The following SH2D4A variants were observed in gnomAD, a reference collection of about 807,000 sequenced individuals.
SH2D4A encodes SH2 domain containing 4A.
Under a neutral mutation model 64.7 loss-of-function variants are expected in SH2D4A, and 70 were observed. That is an observed-to-expected ratio of 1.08 (90% confidence interval 0.89 to 1.32). The LOEUF (loss-of-function observed/expected upper bound fraction) is 1.32, where lower values mean the gene tolerates loss of function less well. SH2D4A is among the 40% of genes most tolerant of loss of function. The probability of loss-of-function intolerance (pLI) is 0.00; values close to 1 mark genes in which losing one functional copy is unlikely to be tolerated. For missense variants in SH2D4A, 706 were observed against 540.1 expected (o/e 1.31, Z -3.04); for synonymous variants, 268 against 200.7 (o/e 1.34, Z -2.83).
intron 4 of SH2D4A, among the ~76,000 whole-genome samples, chr8:19,351,582 A>C (rs903806634): frequency 6.6e-6 from 1 of 152,112 alleles, no homozygotes; most frequent in African/African-American, 2.4e-5. Flanking sequence ...CAGCCTGGGC[A>C]ACAGAGTGAG....
At chr8:19,329,250 C>T (rs928136679) in intron 2 of SH2D4A, among the ~76,000 whole-genome samples, 4 of 152,188 alleles carry the variant, frequency 2.6e-5, no homozygotes, top group African/African-American at 9.7e-5. Flanking sequence ...AGAGCAATCT[C>T]TCCATCCCCT....
intron 8 of SH2D4A, among the ~76,000 whole-genome samples, chr8:19,374,826 G>A (rs17128333): frequency 0.018 from 2,770 of 152,146 alleles, 98 homozygotes; most frequent in African/African-American, 0.063. Flanking sequence ...AAAGAACATG[G>A]GCCAATTATG....
At chr8:19,366,934 T>C (rs2053007056) in intron 7 of SH2D4A, among the ~76,000 whole-genome samples, 1 of 152,258 alleles carries the variant, frequency 6.6e-6, no homozygotes. Context: ...CATTATTCTT[T>C]TTATGGATCT....
intron 4 of SH2D4A, among the ~76,000 whole-genome samples, chr8:19,336,456 T>C (rs1434491554): frequency 6.6e-6 from 1 of 152,134 alleles, no homozygotes; most frequent in Non-Finnish European, 1.5e-5. Context: ...AGGTGTGCTT[T>C]GCACTCAGCA....
At position 19,335,233 on chromosome 8, in the gene SH2D4A, A is replaced by G. The variant is rs538994757; in HGVS notation, c.513+376A>G. Among the ~76,000 whole-genome samples the G allele has an allele frequency of 2.6e-4, 39 of 152,052 alleles. 1 individual carries two copies. The East Asian group carries it at 6.6e-3, about 26-fold the overall frequency. On this transcript the variant is annotated intron_variant, in intron 4 of 9. Coordinates refer to ENST00000265807, the MANE Select transcript of SH2D4A (RefSeq NM_022071.4). ...AACCTGGGAGGTGGAGCTTGCAGTGAGCCGAGATTGCGACACTGCACTCCA... is the reference window on the plus strand; with the variant it reads ...AACCTGGGAGGTGGAGCTTGCAGTGGGCCGAGATTGCGACACTGCACTCCA...
rs1473972388 is a variant in SH2D4A, at chr8:19,395,446, T to C, written c.*804T>C. On this transcript the variant is annotated 3_prime_UTR_variant, in exon 10 of 10. Coordinates refer to ENST00000265807, the MANE Select transcript of SH2D4A (RefSeq NM_022071.4). ...TTGAATTGTGTTCCCCCAAAATATA[T>C]GGTGAAGTCTTAACCCCCATCCCCG... is the stretch of plus-strand genomic sequence containing the variant. 1 of 152,218 alleles carries C rather than the reference T, an allele frequency of 6.6e-6. No individual in the cohort carries two copies. Among genetic ancestry groups the C allele is most frequent in the African/African-American group, 2.4e-5 (1 of 41,442 alleles). The allele number at this position is 152,218 out of a possible 1,614,324, so 9.4% of individuals were successfully genotyped here. A position where few individuals can be genotyped will look rare whatever the true frequency, so the allele number is the denominator to read the frequency against.
chr8:19,331,910 C>T (rs967871897), intron 2 of SH2D4A, among the ~76,000 whole-genome samples: 1 of 152,080 alleles, frequency 6.6e-6, no homozygotes, highest in African/African-American at 2.4e-5. Flanking sequence ...TCTAAAATAC[C>T]TCCTTATCTG....
intron 4 of SH2D4A, among the ~76,000 whole-genome samples, chr8:19,339,640 C>T (rs1467294372): frequency 1.3e-5 from 2 of 151,962 alleles, no homozygotes; most frequent in Admixed American, 6.6e-5. Flanking sequence ...GCTGGGACTA[C>T]AGGCACAGGC....
chr8:19,316,047 C>T (rs553354648), intron 1 of SH2D4A, among the ~76,000 whole-genome samples: 1 of 152,200 alleles, frequency 6.6e-6, no homozygotes, highest in South Asian at 2.1e-4. Context: ...CTTGGGTGTA[C>T]TGTGCTGAGC....
At chr8:19,389,610 T>G (rs2053452585) in intron 8 of SH2D4A, among the ~76,000 whole-genome samples, 1 of 152,134 alleles carries the variant, frequency 6.6e-6, no homozygotes, top group Admixed American at 6.5e-5. Context: ...TCTACTTTCT[T>G]GTGGGCTGCC....
chr8:19,328,350 C>T (rs1453537784), intron 2 of SH2D4A, among the ~76,000 whole-genome samples: 1 of 151,972 alleles, frequency 6.6e-6, no homozygotes, highest in African/African-American at 2.4e-5. Context: ...TCTACGCTTC[C>T]AAAACAGCTT....
chr8:19,356,672 C>T (rs1360744689), intron 4 of SH2D4A, among the ~76,000 whole-genome samples: 1 of 152,130 alleles, frequency 6.6e-6, no homozygotes, highest in Non-Finnish European at 1.5e-5. Context: ...CCATCTAGAG[C>T]AGGAGAAACA....
Position 19,394,561 on chromosome 8 carries a change from C to G in SH2D4A, c.1284C>G (p.Ile428Met), listed in dbSNP as rs1294006743. The G allele has an allele frequency of 6.2e-7, 1 of 1,606,588 alleles. No homozygotes were observed. The stretch of plus-strand genomic sequence containing the variant: ...CTTCTGATTGACAGGAGGAACCCAT[C>G]ACTTCCCTGGGGAAGGAGCTCCTTC... ...DLVEYHKEEP[I>M]TSLGKELLLY... The change falls in exon 10 of 10, where the codon ATC becomes ATG. Residue 428 changes from isoleucine (I) to methionine (M), a missense_variant. Coordinates refer to ENST00000265807, the MANE Select transcript of SH2D4A (RefSeq NM_022071.4).
chr8:19,336,403 G>A (rs575238606), intron 4 of SH2D4A, among the ~76,000 whole-genome samples: 35 of 152,204 alleles, frequency 2.3e-4, no homozygotes, highest in African/African-American at 7.9e-4. Context: ...GGTCAGCCCT[G>A]GACATGCTCC....
chr8:19,362,843 A>T (rs2052915134), intron 6 of SH2D4A, among the ~76,000 whole-genome samples: 1 of 152,192 alleles, frequency 6.6e-6, no homozygotes, highest in South Asian at 2.1e-4. Flanking sequence ...CATTTTTAAA[A>T]TAAATTTTAT....
At chr8:19,387,379 G>A (rs933961487) in intron 8 of SH2D4A, among the ~76,000 whole-genome samples, 10 of 146,390 alleles carry the variant, frequency 6.8e-5, no homozygotes, top group African/African-American at 2.3e-4. Context: ...GGAAATGCAG[G>A]TGTACACCAC....
chr8:19,370,533 T>C (rs115586547), intron 7 of SH2D4A, among the ~76,000 whole-genome samples: 2,552 of 152,150 alleles, frequency 0.017, 79 homozygotes, highest in African/African-American at 0.058. Context: ...GTCTGCTTTA[T>C]ATGATATAAA....
At chr8:19,390,356 G>A (rs1409508412) in intron 8 of SH2D4A, among the ~76,000 whole-genome samples, 1 of 152,154 alleles carries the variant, frequency 6.6e-6, no homozygotes, top group African/African-American at 2.4e-5. Flanking sequence ...ACTGCAGCTT[G>A]AGTGACTGTT....
intron 2 of SH2D4A, among the ~76,000 whole-genome samples, chr8:19,320,740 G>C (rs561420796): frequency 6.6e-6 from 1 of 151,854 alleles, no homozygotes; most frequent in East Asian, 1.9e-4. Context: ...CCGCCTTGCT[G>C]TTTACATGCG....
Sources: allele counts gnomAD v4.1 joint callset (sites outside exome capture counted in the v4.1 genomes callset), GRCh38; gene constraint gnomAD v4.1.1; transcripts MANE v1.5; gene names NCBI Gene and HGNC (gene_info 2026-07-23, HGNC 2026-07-21).